TBC1D16: variants seen among roughly 807,000 people sequenced by gnomAD.
TBC1D16 encodes the protein TBC1 domain family member 16.
TBC1D16 carries 58 observed loss-of-function variants against 74.7 expected under a neutral mutation model. That is an observed-to-expected ratio of 0.78 (90% CI 0.63 to 0.97). TBC1D16 has a LOEUF of 0.97. TBC1D16 is among the 50% of genes least tolerant of loss of function. TBC1D16 has a pLI of 0.00. For synonymous variants in TBC1D16, 493 were observed against 474.7 expected, an observed-to-expected ratio of 1.04 and a Z score of -0.50; for missense variants, 1,014 against 1,079.5, an observed-to-expected ratio of 0.94 and a Z score of 0.85.
chr17:79,971,855 C>A lies in TBC1D16; in HGVS notation c.780-19037G>T, dbSNP rs898951837. ...ATGGGGGCTCTGGAAGGCTTCCTCT[C>A]GGAGCAGGTGGCATGGGGGCTGGCT... On this transcript the variant is annotated intron_variant, in intron 3 of 11. Transcript: ENST00000310924. The surrounding 1 kb of genome is among the most constrained non-coding windows in gnomAD (Gnocchi z 4.6). Among the ~76,000 whole-genome samples, 1 of 151,784 alleles carries A rather than the reference C, an allele frequency of 6.6e-6. No individual in the cohort carries two copies. Among genetic ancestry groups the A allele is most frequent in the African/African-American group, 2.4e-5 (1 of 41,290 alleles).
rs1423614687 is a variant in TBC1D16, at chr17:79,941,232, T to G, written c.2056-125A>C. On this transcript the variant is annotated intron_variant, in intron 11 of 11. Coordinates refer to ENST00000310924, the MANE Select transcript of TBC1D16 (RefSeq NM_019020.4). This position sits in a 1 kb window ranked among gnomAD's most constrained non-coding sequence, Gnocchi z 4.3. ...GCCTGCACCTCGGGGGCTCACCGAG[T>G]CCTGGACTGAGGGCTCTGCCTGCAT... 11 of 928,380 alleles carry G rather than the reference T, an allele frequency of 1.2e-5. No individual in the cohort carries two copies. Among genetic ancestry groups the G allele is most frequent in the Non-Finnish European group, 1.7e-5 (11 of 633,654 alleles). 57.5% of individuals were successfully genotyped at this position (928,380 alleles called of 1,614,324 possible). A position where few individuals can be genotyped will look rare whatever the true frequency, so the allele number is the denominator to read the frequency against.
intron 1 of TBC1D16, among the ~76,000 whole-genome samples, chr17:80,030,336 G>C (rs2036732434): frequency 6.6e-6 from 1 of 152,042 alleles, no homozygotes; most frequent in Non-Finnish European, 1.5e-5. Context: ...TGAGGACCGA[G>C]GCCTAGAACC....
intron 3 of TBC1D16, among the ~76,000 whole-genome samples, chr17:79,960,804 A>C (rs948749252): frequency 7.6e-5 from 11 of 144,204 alleles, no homozygotes; most frequent in Admixed American, 2.7e-4. Context: ...AAAAAAAAAA[A>C]AAAAACGAAG....
intron 1 of TBC1D16, among the ~76,000 whole-genome samples, chr17:80,015,959 C>T (rs8069422): frequency 0.92 from 136,048 of 147,882 alleles, 63,031 homozygotes; most frequent in Non-Finnish European, 0.98. Flanking sequence ...TTCAGTGAGC[C>T]GAGATCACGC....
At chr17:79,952,605 G>T in intron 4 of TBC1D16, 52 bp downstream of exon 4, 2 of 1,544,144 alleles carry the variant, frequency 1.3e-6, no homozygotes, top group South Asian at 2.4e-5. Flanking sequence ...CAGGCTGCCA[G>T]GGAAAACACA....
Position 79,949,806 on chromosome 17 carries a change from C to T in TBC1D16, c.1317G>A (p.Leu439=). The change falls in exon 7 of 12, where the codon CTG becomes CTA. Residue 439 remains leucine, a synonymous_variant. Coordinates refer to ENST00000310924, the MANE Select transcript of TBC1D16 (RefSeq NM_019020.4). ...ACGTGGACTCGTGGCTGTAATAGCG[C>T]AGCAGGAAGGGCCAGACCTCCCCGC... ...SIRGEVWPFL[L]RYYSHESTSE... The T allele has an allele frequency of 6.2e-7, 1 of 1,613,818 alleles. No homozygotes were observed. The highest frequency in any genetic ancestry group is 1.1e-5 in the South Asian group (1 of 91,072).
intron 10 of TBC1D16, 130 bp from the exon 11 acceptor site, chr17:79,942,336 G>A: frequency 1.0e-6 from 1 of 977,090 alleles, no homozygotes; most frequent in African/African-American, 1.6e-5. Context: ...GCCCAGCTCG[G>A]GGGCCGTGTG....
rs1432787966 is a variant in TBC1D16 at position 79,954,813 on chromosome 17, C to T, written c.780-1995G>A. 6.6e-6 allele frequency among the ~76,000 whole-genome samples: 1 copy of T among 152,204 alleles called. No individual in the cohort carries two copies. Among genetic ancestry groups the T allele is most frequent in the African/African-American group, 2.4e-5 (1 of 41,452 alleles). ...GGGTGGTATCCTTTCCCGCCTCCTC[C>T]CCCAGCCTTCTTACCACACCCAACA... On this transcript the variant is annotated intron_variant, in intron 3 of 11. Transcript: ENST00000310924. This position sits in a 1 kb window ranked among gnomAD's most constrained non-coding sequence, Gnocchi z 5.5.
intron 1 of TBC1D16, among the ~76,000 whole-genome samples, chr17:80,026,706 GACTTT>G (rs1367262543): frequency 6.7e-6 from 1 of 149,952 alleles, no homozygotes; most frequent in Non-Finnish European, 1.5e-5. Flanking sequence ...CAAGATGCAA[GACTTT>G]GAATGGCCCT....
intron 3 of TBC1D16, among the ~76,000 whole-genome samples, chr17:79,978,229 G>A (rs1272481416): frequency 2.0e-5 from 3 of 152,222 alleles, no homozygotes; most frequent in Non-Finnish European, 4.4e-5. Context: ...GCAGCTCCTC[G>A]CGGCATGGGC....
chr17:79,952,933 T>C, intron 3 of TBC1D16, 115 bp from the exon 4 acceptor site: 3 of 1,227,268 alleles, frequency 2.4e-6, no homozygotes, highest in Middle Eastern at 2.9e-4. Flanking sequence ...TAAACACACA[T>C]ACAGGCACGG....
rs1043704961 is a variant in TBC1D16 at position 80,020,321 on chromosome 17, C to A, written c.-62-6712G>T. Among the ~76,000 whole-genome samples, 6 of 150,002 alleles carry A rather than the reference C, an allele frequency of 4.0e-5. 2 individuals are homozygous for A. The highest frequency in any genetic ancestry group is 1.5e-4 in the African/African-American group (6 of 39,394). ...GTATAAGGCCAGGTGTGGTGGCTCA[C>A]GCCTGTAATCCCAGCACTTTGGAAG... On this transcript the variant is annotated intron_variant, in intron 1 of 11. Transcript: ENST00000310924.
intron 1 of TBC1D16, among the ~76,000 whole-genome samples, chr17:80,017,898 C>A (rs550572835): frequency 2.8e-4 from 42 of 152,114 alleles, no homozygotes; most frequent in Admixed American, 2.4e-3. Flanking sequence ...ACACTTCATC[C>A]CACACAGGGG....
At chr17:80,014,049 T>A (rs1333884591) in intron 1 of TBC1D16, among the ~76,000 whole-genome samples, 1 of 152,148 alleles carries the variant, frequency 6.6e-6, no homozygotes, top group Non-Finnish European at 1.5e-5. Context: ...AATGAGCCCT[T>A]CTAATTCATT....
Position 79,941,975 on chromosome 17 carries a change from G to A in TBC1D16, c.2055+85C>T. Reference sequence around the variant, plus strand: ...TCTGGGGGCGGGGCCCACATCTGGGGCAGCCTCACCTTTCTGAGAACGAGC... The same window carrying A: ...TCTGGGGGCGGGGCCCACATCTGGGACAGCCTCACCTTTCTGAGAACGAGC... On this transcript the variant is annotated intron_variant, in intron 11 of 11. Transcript: ENST00000310924. This position sits in a 1 kb window ranked among gnomAD's most constrained non-coding sequence, Gnocchi z 4.3. 1.5e-6 allele frequency: 2 copies of A among 1,329,270 alleles called. No individual in the cohort carries two copies. Among genetic ancestry groups the A allele is most frequent in the Admixed American group, 2.1e-5 (1 of 47,668 alleles). The allele number at this position is 1,329,270 out of a possible 1,614,324, so 82.3% of individuals were successfully genotyped here. A position where few individuals can be genotyped will look rare whatever the true frequency, so the allele number is the denominator to read the frequency against.
At chr17:79,991,531 T>C (rs2035057548) in intron 3 of TBC1D16, among the ~76,000 whole-genome samples, 1 of 151,914 alleles carries the variant, frequency 6.6e-6, no homozygotes, top group Admixed American at 6.6e-5. Flanking sequence ...CTGGCCCAAG[T>C]GAGTGTGCAC....
In TBC1D16 at chr17:80,035,311, T is replaced by C. The variant is rs2036937137; in HGVS notation, c.-63+484A>G. ...AAGTGAGTATCCCGACACGCGGATC[T>C]TAAACAGCCCAGACCACCAAGCCCG... On this transcript the variant is annotated intron_variant, in intron 1 of 11. Transcript: ENST00000310924. This position sits in a 1 kb window ranked among gnomAD's most constrained non-coding sequence, Gnocchi z 5.3. 6.6e-6 allele frequency among the ~76,000 whole-genome samples: 1 copy of C among 151,876 alleles called. No individual in the cohort carries two copies. Among genetic ancestry groups the C allele is most frequent in the South Asian group, 2.1e-4 (1 of 4,802 alleles).
chr17:79,950,346 C>T lies in TBC1D16; in HGVS notation c.1257+65G>A. 1 of 1,510,476 alleles carries T rather than the reference C, an allele frequency of 6.6e-7. No homozygotes were observed. The highest frequency in any genetic ancestry group is 2.5e-4 in the Middle Eastern group (1 of 4,076). 93.6% of individuals were successfully genotyped at this position (1,510,476 alleles called of 1,614,324 possible). A position where few individuals can be genotyped will look rare whatever the true frequency, so the allele number is the denominator to read the frequency against. On this transcript the variant is annotated intron_variant, in intron 6 of 11. Coordinates refer to ENST00000310924, the MANE Select transcript of TBC1D16 (RefSeq NM_019020.4). The surrounding 1 kb of genome is among the most constrained non-coding windows in gnomAD (Gnocchi z 4.6). Reference sequence around the variant, plus strand: ...GCGGCCAGGCCCCGGCCCTCCTTCCCTCTCGCTCGTTCCCGGTTCCCGGCC... The same window carrying T: ...GCGGCCAGGCCCCGGCCCTCCTTCCTTCTCGCTCGTTCCCGGTTCCCGGCC...
intron 1 of TBC1D16, among the ~76,000 whole-genome samples, chr17:80,016,404 A>G (rs1423315647): frequency 3.9e-5 from 6 of 152,316 alleles, no homozygotes; most frequent in Non-Finnish European, 5.9e-5. Context: ...AAATGGTTAA[A>G]GTGGTAAGTT....
Sources: gnomAD v4.1 joint callset for allele counts (sites outside exome capture counted in the v4.1 genomes callset) on GRCh38, gnomAD v4.1.1 for gene constraint, Gnocchi (gnomAD v3.1) non-coding constraint, MANE v1.5 for transcripts, NCBI Gene and HGNC (gene_info 2026-07-23, HGNC 2026-07-21) for gene names.